NR4A1: variants seen among roughly 807,000 people sequenced by gnomAD.
NR4A1 encodes nuclear receptor subfamily 4immunitygroup A member 1.
Under a neutral mutation model 47.5 loss-of-function variants are expected in NR4A1, and 24 were observed. The ratio of observed to expected loss-of-function variants is 0.50; its 90% CI spans 0.37 to 0.71. The LOEUF is 0.71. Among genes scored for constraint, NR4A1 ranks in the 30% least tolerant of loss-of-function variants. NR4A1 has a pLI of 0.00. For synonymous variants in NR4A1, 353 were observed against 345.7 expected (o/e 1.02, Z -0.24); for missense variants, 669 against 788.6 (o/e 0.85, Z 1.82).
At chr12:52,058,642 G>A in intron 6 of NR4A1, 46 bp from the exon 7 acceptor site, 1 of 1,489,844 alleles carries the variant, frequency 6.7e-7, no homozygotes. Flanking sequence ...GGGGCTTTGG[G>A]GGCCTGGTTC....
intron 1 of NR4A1, chr12:52,053,285 G>A (rs1200199934): frequency 6.6e-6 from 1 of 152,108 alleles, no homozygotes; most frequent in African/African-American, 2.4e-5. Flanking sequence ...CTGGGGCTGT[G>A]TAACCCCCTT....
chr12:52,035,687 T>C (rs1018527579), intron 1 of NR4A1, among the ~76,000 whole-genome samples: 1 of 152,136 alleles, frequency 6.6e-6, no homozygotes, highest in African/African-American at 2.4e-5. Flanking sequence ...GTACAGGTTC[T>C]TGGGATGTGA....
At chr12:52,054,296 T>C (rs1375879910) in intron 1 of NR4A1, 31 bp from the exon 2 acceptor site, 3 of 1,562,184 alleles carry the variant, frequency 1.9e-6, no homozygotes, top group Non-Finnish European at 2.6e-6. Context: ...CTGACTCTCC[T>C]TTCCCTCCCT....
chr12:52,057,150 C>G lies in NR4A1; in HGVS notation c.1252C>G (p.Arg418Gly). 6 of 1,614,092 alleles carry G rather than the reference C, an allele frequency of 3.7e-6. No homozygotes were observed. Among genetic ancestry groups the G allele is most frequent in the Non-Finnish European group, 5.1e-6 (6 of 1,179,974 alleles). ...DLLSGSLEVI[R>G]KWAEKIPGFA... ...GCTCTCCGGTTCTCTGGAGGTCATC[C>G]GCAAGTGGGCGGAGAAGATCCCTGG... The change falls in exon 5 of 7, where the codon CGC becomes GGC. Residue 418 changes from arginine to glycine, a missense_variant. By Grantham distance (125) the Arg-to-Gly change is moderately radical. Coordinates refer to ENST00000394825, the MANE Select transcript of NR4A1 (RefSeq NM_173157.3).
chr12:52,033,116 C>G (rs1458814325), intron 1 of NR4A1, among the ~76,000 whole-genome samples: 1 of 152,184 alleles, frequency 6.6e-6, no homozygotes, highest in African/African-American at 2.4e-5. Context: ...GGAATCCTGG[C>G]TGGACCTGCT....
upstream of NR4A1, among the ~76,000 whole-genome samples, chr12:52,051,073 T>C (rs1439344681): frequency 6.6e-6 from 1 of 151,780 alleles, no homozygotes; most frequent in Non-Finnish European, 1.5e-5. Context: ...CTCCCGCTGG[T>C]TATTCTGGAC....
At chr12:52,039,709 G>A (rs966156874) in intron 1 of NR4A1, among the ~76,000 whole-genome samples, 3 of 152,216 alleles carry the variant, frequency 2.0e-5, no homozygotes, top group African/African-American at 4.8e-5. Flanking sequence ...GATGGACAGC[G>A]TCCTTAGATT....
At position 52,027,863 on chromosome 12, in the gene NR4A1, G is replaced by A. The variant is rs185973533; in HGVS notation, c.-84+4924G>A. On this transcript the variant is annotated intron_variant, in intron 1 of 7. Transcript: ENST00000360284. ...GAGTAACGTGGCTAGGCTCAGGAGTGTAGGAGGGCGTTCTCCCAGCATATG... is the reference window on the plus strand; with the variant it reads ...GAGTAACGTGGCTAGGCTCAGGAGTATAGGAGGGCGTTCTCCCAGCATATG... 1.0e-3 allele frequency among the ~76,000 whole-genome samples: 153 copies of A among 152,292 alleles called. 3 individuals carry two copies. Among genetic ancestry groups the A allele is most frequent in the African/African-American group, 3.4e-3 (141 of 41,550 alleles).
chr12:52,025,909 C>G (rs1476845317), intron 1 of NR4A1, among the ~76,000 whole-genome samples: 1 of 152,236 alleles, frequency 6.6e-6, no homozygotes, highest in Admixed American at 6.5e-5. Context: ...GCCCACAGGC[C>G]TCTCCTCCCA....
chr12:52,054,362 G>A lies in NR4A1; in HGVS notation c.34G>A (p.Ala12Thr). Reference protein sequence around the residue: ...PCIQAQYGTPAPSPGPRDHLA... With the variant: ...PCIQAQYGTPTPSPGPRDHLA... ...TATCCAAGCCCAATATGGGACACCAGCACCGAGTCCGGGACCCCGTGACCA... is the reference window on the plus strand; with the variant it reads ...TATCCAAGCCCAATATGGGACACCAACACCGAGTCCGGGACCCCGTGACCA... Residue 12 changes from alanine to threonine, a missense_variant, in exon 2 of 7, where the codon GCA (alanine) becomes ACA (threonine). Physicochemically the swap from Ala to Thr is moderately conservative, Grantham distance 58 (BLOSUM62 0). Coordinates refer to ENST00000394825, the MANE Select transcript of NR4A1 (RefSeq NM_173157.3). The A allele has an allele frequency of 1.9e-6, 3 of 1,613,242 alleles. No individual in the cohort carries two copies. The highest frequency in any genetic ancestry group is 2.5e-6 in the Non-Finnish European group (3 of 1,179,656).
rs566959673 is a variant in NR4A1 at position 52,054,340 on chromosome 12, C to T, written c.12C>T (p.Ile4=). The T allele has an allele frequency of 2.9e-4, 467 of 1,609,528 alleles. 6 individuals are homozygous for T. The South Asian group carries it at 4.9e-3, about 17-fold the overall frequency. Residue 4 remains isoleucine, a synonymous_variant, in exon 2 of 7, where the codon ATC becomes ATT. Coordinates refer to ENST00000394825, the MANE Select transcript of NR4A1 (RefSeq NM_173157.3). MPC[I]QAQYGTPAPS... is the part of the protein sequence containing the mutation. Reference sequence around the variant, plus strand: ...CTCTCTCTCCAGAGATGCCCTGTATCCAAGCCCAATATGGGACACCAGCAC... The same window carrying T: ...CTCTCTCTCCAGAGATGCCCTGTATTCAAGCCCAATATGGGACACCAGCAC...
At chr12:52,037,287 TGGCGGC>T in intron 1 of NR4A1, 1 of 768,854 alleles carries the variant, frequency 1.3e-6, no homozygotes, top group Non-Finnish European at 1.6e-6. Context: ...GAGGAGGAGG[TGGCGGC>T]GGCGGCGGAA....
intron 2 of NR4A1, chr12:52,045,518 T>C (rs551029540): frequency 1.8e-5 from 8 of 453,116 alleles, no homozygotes; most frequent in South Asian, 1.3e-4. Flanking sequence ...CCCCAGGCAG[T>C]GCTACATTTG....
chr12:52,047,591 ATCC>A (rs761827171), upstream of NR4A1, among the ~76,000 whole-genome samples: 1 of 152,186 alleles, frequency 6.6e-6, no homozygotes, highest in Admixed American at 6.5e-5. Context: ...GTAGTTCCTT[ATCC>A]TCCTCCAGGC....
chr12:52,024,404 C>T (rs1937960619), intron 1 of NR4A1, among the ~76,000 whole-genome samples: 1 of 152,164 alleles, frequency 6.6e-6, no homozygotes, highest in African/African-American at 2.4e-5. Flanking sequence ...AAGTGCTTAA[C>T]TTATGTTTTA....
intron 1 of NR4A1, chr12:52,037,633 G>C: frequency 1.0e-6 from 1 of 985,512 alleles, no homozygotes; most frequent in Non-Finnish European, 1.2e-6. Flanking sequence ...GACGGCCAAG[G>C]CTTTCTCTCC....
At chr12:52,048,162 C>CAAAAACA (rs1311009315), upstream of NR4A1, among the ~76,000 whole-genome samples, 1 of 151,002 alleles carries the variant, frequency 6.6e-6, no homozygotes, top group African/African-American at 2.4e-5. Context: ...CAAAACAAAA[C>CAAAAACA]AAAAACAAAA....
chr12:52,052,159 C>G (rs1938992972), intron 1 of NR4A1, among the ~76,000 whole-genome samples: 1 of 151,992 alleles, frequency 6.6e-6, no homozygotes, highest in South Asian at 2.1e-4. Context: ...GGCTTGGTGG[C>G]TGACCTGTGG....
intron 2 of NR4A1, among the ~76,000 whole-genome samples, chr12:52,045,324 G>A (rs1374538138): frequency 1.3e-5 from 2 of 152,236 alleles, no homozygotes; most frequent in Non-Finnish European, 2.9e-5. Context: ...TGGTTGTCCC[G>A]TTGCAGACAT....
Sources: gnomAD v4.1 joint callset for allele counts (sites outside exome capture counted in the v4.1 genomes callset) on GRCh38, gnomAD v4.1.1 for gene constraint, MANE v1.5 for transcripts, NCBI Gene and HGNC (gene_info 2026-07-23, HGNC 2026-07-21) for gene names.